TEX14: variants seen among roughly 807,000 people sequenced by gnomAD.
TEX14 encodes the protein inactive serine/threonine-protein kinase TEX14.
In TEX14, 168 loss-of-function variants were observed where a neutral mutation model predicts 178.6. The observed-to-expected ratio is 0.94, with a 90% CI of 0.83 to 1.07. The LOEUF is 1.07. Ranked by LOEUF, TEX14 falls within the 50% of genes least tolerant of loss-of-function variation. TEX14 has a pLI of 0.00. For missense variants in TEX14, 1,730 were observed against 1,753.6 expected, an observed-to-expected ratio of 0.99 and a Z score of 0.24; for synonymous variants, 626 against 634.1, an observed-to-expected ratio of 0.99 and a Z score of 0.19.
intron 13 of TEX14, 39 bp from the exon 14 acceptor site, chr17:58,599,705 A>G (rs781332830): frequency 1.3e-6 from 2 of 1,547,844 alleles, no homozygotes; most frequent in Non-Finnish European, 8.8e-7. Context: ...CATTAAAATG[A>G]ACATATTTGG....
At chr17:58,676,163 A>C (rs774521641) in intron 1 of TEX14, among the ~76,000 whole-genome samples, 1 of 152,092 alleles carries the variant, frequency 6.6e-6, no homozygotes, top group African/African-American at 2.4e-5. Context: ...ATCACCTGAG[A>C]TCAGGAGTTC....
chr17:58,618,832 T>C (rs1364999170), intron 5 of TEX14, among the ~76,000 whole-genome samples: 1 of 152,262 alleles, frequency 6.6e-6, no homozygotes, highest in African/African-American at 2.4e-5. Context: ...AAGACTCTGA[T>C]GTTTAGACTG....
At chr17:58,617,685 G>A in intron 5 of TEX14, 66 bp from the exon 6 acceptor site, 2 of 1,171,562 alleles carry the variant, frequency 1.7e-6, no homozygotes, top group Non-Finnish European at 2.5e-6. Flanking sequence ...TAATAATGCT[G>A]AACCAAGTTT....
chr17:58,658,543 C>A (rs566261442), intron 1 of TEX14, among the ~76,000 whole-genome samples: 2 of 122,060 alleles, frequency 1.6e-5, no homozygotes, highest in East Asian at 2.2e-4. Flanking sequence ...ATGTGCGCCA[C>A]CATGCCTGGC....
intron 15 of TEX14, among the ~76,000 whole-genome samples, chr17:58,591,470 A>G (rs1567722923): frequency 6.6e-6 from 1 of 152,148 alleles, no homozygotes; most frequent in Non-Finnish European, 1.5e-5. Context: ...GTGAGCCAAT[A>G]TCGCGCCATT....
chr17:58,661,049 C>A (rs1308906501), intron 1 of TEX14: 8 of 1,103,658 alleles, frequency 7.2e-6, no homozygotes, highest in Non-Finnish European at 1.1e-5. Context: ...ATCTGCTTGA[C>A]CACTTTCCAC....
rs1186560761 is a variant in TEX14, at chr17:58,585,858, T to G, written c.3013A>C (p.Asn1005His). 6.2e-7 allele frequency: 1 copy of G among 1,614,084 alleles called. No homozygotes were observed. Among genetic ancestry groups the G allele is most frequent in the East Asian group, 2.2e-5 (1 of 44,874 alleles). The change falls in exon 18 of 32, where the codon AAC becomes CAC. Residue 1005 changes from asparagine (N) to histidine (H), a missense_variant. Physicochemically the swap from Asn to His is moderately conservative, Grantham distance 68 (BLOSUM62 1). Around this residue, in one of 2 missense-constraint regions of TEX14, gnomAD observed 941 missense variants for 1,072.4 expected, o/e 0.88. Transcript: ENST00000349033. The stretch of plus-strand genomic sequence containing the variant: ...TGCTGGTCACTGTCACAGTCATTGT[T>G]GCCCGTCTTGTCAAACTTGCCATTT... ...RGNGKFDKTGNNDCDSDQHGR... is the reference protein window; with the variant it reads ...RGNGKFDKTGHNDCDSDQHGR...
At chr17:58,640,477 G>A (rs538430727) in intron 2 of TEX14, among the ~76,000 whole-genome samples, 23 of 152,234 alleles carry the variant, frequency 1.5e-4, no homozygotes, top group African/African-American at 5.5e-4. Context: ...AGAGCTGGTA[G>A]GTCAGGTGCC....
chr17:58,614,430 C>T (rs935953337), intron 8 of TEX14, among the ~76,000 whole-genome samples: 1 of 152,202 alleles, frequency 6.6e-6, no homozygotes, highest in African/African-American at 2.4e-5. Flanking sequence ...GTGGAGGTTG[C>T]AGTGAGCCTA....
intron 2 of TEX14, among the ~76,000 whole-genome samples, chr17:58,645,718 T>A (rs1199839669): frequency 6.6e-6 from 1 of 152,186 alleles, no homozygotes; most frequent in Admixed American, 6.6e-5. Flanking sequence ...GGTTGCATCT[T>A]TTATGTGAAG....
In TEX14 at chr17:58,604,977, C is replaced by T; in HGVS notation, c.1336+1G>A. On this transcript the variant is annotated splice_donor_variant, in intron 11 of 31. Coordinates refer to ENST00000349033, the MANE Select transcript of TEX14 (RefSeq NM_031272.5). LOFTEE classifies it high-confidence loss of function. ...GTCAACCATTAATGATCTTGATCTA[C>T]CTGTTAAAATCTCCTGCATGATCAT... The T allele has an allele frequency of 6.2e-7, 1 of 1,614,064 alleles. No individual in the cohort carries two copies.
chr17:58,604,419 C>T (rs934780542), intron 11 of TEX14, among the ~76,000 whole-genome samples: 5 of 150,558 alleles, frequency 3.3e-5, no homozygotes, highest in South Asian at 2.1e-4. Context: ...TGCAGTAAAC[C>T]GAGATCGAGC....
At chr17:58,669,033 G>C (rs1246109601) in intron 1 of TEX14, among the ~76,000 whole-genome samples, 1 of 152,118 alleles carries the variant, frequency 6.6e-6, no homozygotes, top group Non-Finnish European at 1.5e-5. Flanking sequence ...TGGAGGATTA[G>C]GGATACATCT....
intron 19 of TEX14, chr17:58,581,644 G>A (rs2044823475): frequency 1.2e-6 from 2 of 1,613,810 alleles, no homozygotes; most frequent in African/African-American, 1.3e-5. Flanking sequence ...CAGTCGAGGA[G>A]TAAAAATATT....
intron 22 of TEX14, among the ~76,000 whole-genome samples, chr17:58,573,733 G>A (rs1345876233): frequency 2.0e-5 from 3 of 152,096 alleles, no homozygotes; most frequent in Admixed American, 6.6e-5. Context: ...TGGCCAGGCT[G>A]GTCACGAACT....
Position 58,580,375 on chromosome 17 carries a change from G to C in TEX14, c.3172-644C>G, listed in dbSNP as rs376684977. ...CGCCCAGGCTGGAGTGCAGTGGCAC[G>C]ATCTCAGCTCACTGCACCCTCTGTC... On this transcript the variant is annotated intron_variant, in intron 19 of 31. Coordinates refer to ENST00000349033, the MANE Select transcript of TEX14 (RefSeq NM_031272.5). 2.0e-5 allele frequency among the ~76,000 whole-genome samples: 3 copies of C among 152,134 alleles called. No individual in the cohort carries two copies. In the East Asian group the frequency reaches 5.8e-4, roughly 29 times the overall value.
chr17:58,653,866 G>A lies in TEX14; in HGVS notation c.-1-1864C>T, dbSNP rs139367465. ...ACCCTTTACTATAATTTTGATGAAT[G>A]CATATGTTAAACATTAAAGAATTGG... On this transcript the variant is annotated intron_variant, in intron 1 of 31. Transcript: ENST00000349033. 5.1e-3 allele frequency among the ~76,000 whole-genome samples: 771 copies of A among 152,260 alleles called. 3 individuals carry two copies. Among genetic ancestry groups the A allele is most frequent in the Non-Finnish European group, 6.7e-3 (459 of 68,030 alleles).
chr17:58,574,216 C>T lies in TEX14; in HGVS notation c.3354G>A (p.Glu1118=). Residue 1118 remains glutamate (E), a synonymous_variant, in exon 22 of 32, where the codon GAG becomes GAA. Transcript: ENST00000349033. ...TEDEQEETSK[E]SPKELKEKDI... is the part of the protein sequence containing the mutation. Reference sequence around the variant, plus strand: ...CTTTCTCTTTCAGTTCCTTTGGTGACTCCTTTGATGTCTCTTCTTGTTCAT... The same window carrying T: ...CTTTCTCTTTCAGTTCCTTTGGTGATTCCTTTGATGTCTCTTCTTGTTCAT... 6.2e-7 allele frequency: 1 copy of T among 1,613,672 alleles called. No homozygotes were observed. The highest frequency in any genetic ancestry group is 1.1e-5 in the South Asian group (1 of 91,072).
chr17:58,614,072 A>T (rs1401765718), intron 8 of TEX14, among the ~76,000 whole-genome samples: 1 of 152,242 alleles, frequency 6.6e-6, no homozygotes, highest in Admixed American at 6.5e-5. Flanking sequence ...AGAGCCATCA[A>T]TGACAACAAT....
Sources: gnomAD v4.1 joint callset for allele counts (sites outside exome capture counted in the v4.1 genomes callset) on GRCh38, gnomAD v4.1.1 for gene constraint, gnomAD v4.1.1 regional missense constraint, MANE v1.5 for transcripts, NCBI Gene and HGNC (gene_info 2026-07-23, HGNC 2026-07-21) for gene names.